The following FBXO11 variants were observed in gnomAD, a reference collection of about 807,000 sequenced individuals.
FBXO11 encodes the protein F-box only protein 11.
A neutral mutation model predicts 117.0 loss-of-function variants in FBXO11; 13 were observed. The ratio of observed to expected loss-of-function variants is 0.11; its 90% CI spans 0.07 to 0.18. FBXO11 has a LOEUF of 0.18. FBXO11 is among the 10% of genes least tolerant of loss of function. FBXO11 has a pLI of 1.00. For missense variants in FBXO11, 767 were observed against 1,164.4 expected (o/e 0.66, Z 4.97); for synonymous variants, 490 against 380.5 (o/e 1.29, Z -3.35).
intron 18 of FBXO11, among the ~76,000 whole-genome samples, chr2:47,812,246 C>G (rs1005446055): frequency 1.3e-5 from 2 of 152,204 alleles, no homozygotes; most frequent in Admixed American, 6.5e-5. Flanking sequence ...TGTGCTGTTT[C>G]ATTTAGCATA....
At chr2:47,838,754 A>G in intron 4 of FBXO11, 105 bp downstream of exon 4, 1 of 996,178 alleles carries the variant, frequency 1.0e-6, no homozygotes, top group Non-Finnish European at 1.5e-6. Flanking sequence ...TTTTGTTCCA[A>G]CTAATTGTAA....
At chr2:47,821,508 G>A (rs1320850906) in intron 13 of FBXO11, among the ~76,000 whole-genome samples, 2 of 152,116 alleles carry the variant, frequency 1.3e-5, no homozygotes, top group Non-Finnish European at 2.9e-5. Context: ...TACTTGGGAG[G>A]CTGCGGCAGG....
intron 1 of FBXO11, among the ~76,000 whole-genome samples, chr2:47,860,791 AACTGTGTTCCACT>A (rs1674707154): frequency 6.6e-6 from 1 of 150,870 alleles, no homozygotes; most frequent in African/African-American, 2.4e-5. Flanking sequence ...CACATAGAAT[AACTGTGTTCCACT>A]GGAAAATAGG....
chr2:47,811,652 A>G (rs1342711052), intron 18 of FBXO11: 1 of 152,222 alleles, frequency 6.6e-6, no homozygotes, highest in East Asian at 1.9e-4. Context: ...TTTTCCAGAA[A>G]CCATTTCCTA....
At chr2:47,874,887 T>TTTTAAAAAAAA in intron 1 of FBXO11, among the ~76,000 whole-genome samples, 1 of 150,232 alleles carries the variant, frequency 6.7e-6, no homozygotes, top group Non-Finnish European at 1.5e-5. Context: ...TTTTTTTTTT[T>TTTTAAAAAAAA]AAAGCAAAAA....
chr2:47,870,340 T>C (rs1437782686), intron 1 of FBXO11, among the ~76,000 whole-genome samples: 1 of 152,218 alleles, frequency 6.6e-6, no homozygotes, highest in Non-Finnish European at 1.5e-5. Flanking sequence ...GTGGGCTGAA[T>C]TGTGCCTCTT....
intron 1 of FBXO11, among the ~76,000 whole-genome samples, chr2:47,862,956 A>G (rs779647815): frequency 1.7e-4 from 26 of 151,720 alleles, no homozygotes; most frequent in Admixed American, 2.6e-4. Context: ...TTGGGAGGCT[A>G]AGGCAGGAGA....
chr2:47,882,570 C>T (rs1489352264), intron 1 of FBXO11, among the ~76,000 whole-genome samples: 2 of 152,102 alleles, frequency 1.3e-5, no homozygotes, highest in Admixed American at 6.6e-5. Flanking sequence ...TCTTTATTTC[C>T]ATTTTTTAAA....
rs1430086849 is a variant in FBXO11, at chr2:47,814,173, G to A, written c.2007-306C>T. On this transcript the variant is annotated intron_variant, in intron 16 of 22. Transcript: ENST00000403359. ...AGGACTGAATTACAGGCATGCCTTG[G>A]AGATAACTGCAGGTTCCGTTCCAGA... 4 of 269,670 alleles carry A rather than the reference G, an allele frequency of 1.5e-5. No individual in the cohort carries two copies. In the Admixed American group the frequency reaches 1.5e-4, roughly 10 times the overall value. 16.7% of individuals were successfully genotyped at this position (269,670 alleles called of 1,614,324 possible).
intron 18 of FBXO11, chr2:47,811,015 G>A (rs1670574226): frequency 6.6e-6 from 1 of 152,056 alleles, no homozygotes; most frequent in African/African-American, 2.4e-5. Context: ...TGTGAGACAT[G>A]GTTTTATTTC....
intron 1 of FBXO11, among the ~76,000 whole-genome samples, chr2:47,852,938 G>A (rs1673985488): frequency 1.3e-5 from 2 of 152,130 alleles, no homozygotes; most frequent in Non-Finnish European, 2.9e-5. Flanking sequence ...GTAAGCTCCA[G>A]AGCCCCCTAC....
At chr2:47,896,438 T>C (rs929959802) in intron 1 of FBXO11, among the ~76,000 whole-genome samples, 9 of 152,062 alleles carry the variant, frequency 5.9e-5, no homozygotes, top group African/African-American at 2.2e-4. Context: ...CAGATGATCC[T>C]CTCACCTCAA....
chr2:47,872,429 A>G (rs1356844544), intron 1 of FBXO11, among the ~76,000 whole-genome samples: 1 of 152,170 alleles, frequency 6.6e-6, no homozygotes, highest in African/African-American at 2.4e-5. Flanking sequence ...GGTTCAAGCA[A>G]TTCTCTGCCT....
At chr2:47,870,524 G>C (rs1460091539) in intron 1 of FBXO11, among the ~76,000 whole-genome samples, 1 of 152,162 alleles carries the variant, frequency 6.6e-6, no homozygotes, top group Non-Finnish European at 1.5e-5. Flanking sequence ...GAGGGAGAAT[G>C]CTATGTGACA....
intron 21 of FBXO11, 161 bp downstream of exon 21, chr2:47,808,997 A>G (rs1487682526): frequency 4.4e-5 from 23 of 526,538 alleles, no homozygotes; most frequent in Non-Finnish European, 7.7e-5. Flanking sequence ...ACGCCTACCC[A>G]CAGTTACAGT....
At chr2:47,872,217 T>C (rs1056571854) in intron 1 of FBXO11, among the ~76,000 whole-genome samples, 6 of 152,214 alleles carry the variant, frequency 3.9e-5, no homozygotes, top group Non-Finnish European at 8.8e-5. Flanking sequence ...TTTTAACTGG[T>C]AGGATTTAGT....
intron 11 of FBXO11, among the ~76,000 whole-genome samples, chr2:47,831,352 T>C (rs1198702591): frequency 1.4e-5 from 2 of 146,420 alleles, no homozygotes; most frequent in Non-Finnish European, 3.0e-5. Context: ...GAGGTGGAGG[T>C]TGCAGTGAGC....
chr2:47,808,873 GT>G, intron 21 of FBXO11: 1 of 298,888 alleles, frequency 3.3e-6, no homozygotes. Context: ...TCTTTGTTTT[GT>G]TTTGTAGAGA....
chr2:47,817,350 C>T (rs970301549), intron 16 of FBXO11, among the ~76,000 whole-genome samples: 7 of 152,216 alleles, frequency 4.6e-5, no homozygotes, highest in African/African-American at 1.7e-4. Flanking sequence ...ATCCACATCA[C>T]TAAAACATTC....
Sources: allele counts gnomAD v4.1 joint callset (sites outside exome capture counted in the v4.1 genomes callset), GRCh38; gene constraint gnomAD v4.1.1; transcripts MANE v1.5; gene names NCBI Gene and HGNC (gene_info 2026-07-23, HGNC 2026-07-21).